IQCM: variants seen among roughly 807,000 people sequenced by gnomAD.
The protein encoded by IQCM is IQ motif containing M.
In IQCM, 45 loss-of-function variants were observed where a neutral mutation model predicts 57.6. The ratio of observed to expected loss-of-function variants is 0.78; its 90% CI spans 0.62 to 1.00. The LOEUF is 1.00. IQCM is among the 50% of genes least tolerant of loss of function. The probability of loss-of-function intolerance (pLI) is 0.00; values close to 1 mark genes in which losing one functional copy is unlikely to be tolerated. For missense variants in IQCM, 468 were observed against 511.6 expected (o/e 0.91, Z 0.82); for synonymous variants, 148 against 158.9 (o/e 0.93, Z 0.51).
intron 2 of IQCM, among the ~76,000 whole-genome samples, chr4:149,775,254 T>C (rs976125583): frequency 6.6e-6 from 1 of 152,108 alleles, no homozygotes; most frequent in African/African-American, 2.4e-5. Context: ...GGATTGAATG[T>C]TGTTTCTCCA....
rs544703301 is a variant in IQCM at position 149,643,004 on chromosome 4, C to T, written c.566-21760G>A. ...TCAGTAGCCTACAGATCAGTACTGA[C>T]CTTTTTTAAATTTTTTAAATTTTTT... On this transcript the variant is annotated intron_variant, in intron 7 of 13. Transcript: ENST00000636793. Among the ~76,000 whole-genome samples, 3 of 151,748 alleles carry T rather than the reference C, an allele frequency of 2.0e-5. No homozygotes were observed. The East Asian group carries it at 5.8e-4, about 29-fold the overall frequency.
At chr4:149,626,974 A>G (rs914711289) in intron 7 of IQCM, among the ~76,000 whole-genome samples, 6 of 152,188 alleles carry the variant, frequency 3.9e-5, no homozygotes, top group Non-Finnish European at 8.8e-5. Flanking sequence ...TCTACAATGT[A>G]GGTGCTGCTT....
intron 7 of IQCM, among the ~76,000 whole-genome samples, chr4:149,675,207 A>G (rs1283494152): frequency 6.6e-6 from 1 of 152,120 alleles, no homozygotes; most frequent in African/African-American, 2.4e-5. Flanking sequence ...ACAAGGATCC[A>G]GGGTCTACAT....
At chr4:149,585,989 G>A (rs1752610197) in intron 9 of IQCM, among the ~76,000 whole-genome samples, 1 of 151,640 alleles carries the variant, frequency 6.6e-6, no homozygotes, top group African/African-American at 2.4e-5. Context: ...CAGATTATCT[G>A]ACTGGCTGGC....
In IQCM at chr4:149,417,143, A is replaced by G. The variant is rs2111199430; in HGVS notation, c.1390+16253T>C. 2.6e-5 allele frequency among the ~76,000 whole-genome samples: 4 copies of G among 152,294 alleles called. No individual in the cohort carries two copies. In the Middle Eastern group the frequency reaches 0.014, roughly 518 times the overall value. ...AATTATTTTAGACATACTTTAGCAG[A>G]TGAAGAGATTAATCAAAACTCAATT... On this transcript the variant is annotated intron_variant, in intron 13 of 13. Transcript: ENST00000636793.
At chr4:149,524,989 C>T (rs1048718390) in intron 12 of IQCM, among the ~76,000 whole-genome samples, 2 of 151,738 alleles carry the variant, frequency 1.3e-5, no homozygotes, top group African/African-American at 4.8e-5. Flanking sequence ...AAAGCAATAA[C>T]TTTAAAGTCA....
intron 8 of IQCM, among the ~76,000 whole-genome samples, chr4:149,601,457 C>A (rs1001687053): frequency 6.6e-6 from 1 of 152,072 alleles, no homozygotes; most frequent in Non-Finnish European, 1.5e-5. Context: ...AGTACAGATG[C>A]AATTTAAAAA....
intron 12 of IQCM, among the ~76,000 whole-genome samples, chr4:149,543,655 C>A (rs546229964): frequency 3.3e-5 from 5 of 151,278 alleles, no homozygotes; most frequent in African/African-American, 4.9e-5. Context: ...GTGGGTGCAG[C>A]GCACCAGCAT....
At chr4:149,428,980 A>G (rs921852452) in intron 13 of IQCM, among the ~76,000 whole-genome samples, 3 of 151,896 alleles carry the variant, frequency 2.0e-5, no homozygotes, top group Non-Finnish European at 4.4e-5. Flanking sequence ...ACACCATTTC[A>G]GTTAAAATGG....
At chr4:149,709,487 T>A (rs1000444682) in intron 5 of IQCM, among the ~76,000 whole-genome samples, 3 of 152,140 alleles carry the variant, frequency 2.0e-5, no homozygotes, top group Non-Finnish European at 2.9e-5. Flanking sequence ...TGGTATTTTA[T>A]AGTTTATATT....
intron 13 of IQCM, among the ~76,000 whole-genome samples, chr4:149,352,737 T>C (rs1353412758): frequency 6.6e-5 from 10 of 152,204 alleles, no homozygotes; most frequent in Non-Finnish European, 1.5e-4. Context: ...TGTAATCAGT[T>C]CTGATAATGA....
intron 12 of IQCM, among the ~76,000 whole-genome samples, chr4:149,466,975 T>A (rs1304238632): frequency 2.6e-5 from 4 of 152,194 alleles, no homozygotes; most frequent in Non-Finnish European, 5.9e-5. Context: ...GGGGCCCTCA[T>A]GACCTAATTA....
At chr4:149,419,942 A>G (rs565139336) in intron 13 of IQCM, among the ~76,000 whole-genome samples, 1 of 152,290 alleles carries the variant, frequency 6.6e-6, no homozygotes, top group East Asian at 1.9e-4. Flanking sequence ...CCACAATGAG[A>G]TAGTATCTCA....
At chr4:149,406,632 AAT>A (rs1732998588) in intron 13 of IQCM, among the ~76,000 whole-genome samples, 1 of 152,184 alleles carries the variant, frequency 6.6e-6, no homozygotes, top group Non-Finnish European at 1.5e-5. Context: ...GCCAAAGCAG[AAT>A]ATATGACATG....
intron 7 of IQCM, among the ~76,000 whole-genome samples, chr4:149,666,468 G>A (rs1760733749): frequency 6.6e-6 from 1 of 152,080 alleles, no homozygotes; most frequent in Non-Finnish European, 1.5e-5. Flanking sequence ...TGCACCACCA[G>A]GGCCCTGGGT....
At chr4:149,359,215 G>A (rs1729300691) in intron 13 of IQCM, among the ~76,000 whole-genome samples, 3 of 151,786 alleles carry the variant, frequency 2.0e-5, no homozygotes, top group Admixed American at 2.0e-4. Flanking sequence ...CTTCAACAAA[G>A]GCCTTTAAAA....
chr4:149,579,006 T>A (rs972688794), intron 9 of IQCM, among the ~76,000 whole-genome samples: 1 of 151,872 alleles, frequency 6.6e-6, no homozygotes, highest in African/African-American at 2.4e-5. Context: ...ATATCTGATT[T>A]TCCCTGCCTG....
At chr4:149,775,504 A>G (rs1021252142) in intron 2 of IQCM, among the ~76,000 whole-genome samples, 3 of 152,224 alleles carry the variant, frequency 2.0e-5, no homozygotes, top group African/African-American at 4.8e-5. Context: ...TCACTTCTAA[A>G]TTCCCAATCT....
intron 12 of IQCM, among the ~76,000 whole-genome samples, chr4:149,471,025 T>G (rs1042011256): frequency 6.6e-6 from 1 of 152,090 alleles, no homozygotes; most frequent in Non-Finnish European, 1.5e-5. Context: ...AGGAAAGATC[T>G]AAAATTGACA....
Sources: allele counts gnomAD v4.1 joint callset (sites outside exome capture counted in the v4.1 genomes callset), GRCh38; gene constraint gnomAD v4.1.1; transcripts MANE v1.5; gene names NCBI Gene and HGNC (gene_info 2026-07-23, HGNC 2026-07-21).